CACNA2D3: variants seen among roughly 807,000 people sequenced by gnomAD.
The protein encoded by CACNA2D3 is voltage-dependent calcium channel subunit alpha-2/delta-3.
In CACNA2D3, 60 loss-of-function variants were observed where a neutral mutation model predicts 160.6. The ratio of observed to expected loss-of-function variants is 0.37; its 90% CI spans 0.30 to 0.46. The LOEUF is 0.46. Among genes scored for constraint, CACNA2D3 ranks in the 20% least tolerant of loss-of-function variants. CACNA2D3 has a pLI of 1.00. For missense variants in CACNA2D3, 1,205 were observed against 1,365.0 expected, an observed-to-expected ratio of 0.88 and a Z score of 1.85; for synonymous variants, 558 against 492.9, an observed-to-expected ratio of 1.13 and a Z score of -1.75.
At chr3:54,594,613 G>C (rs1702918609) in intron 9 of CACNA2D3, among the ~76,000 whole-genome samples, 1 of 152,222 alleles carries the variant, frequency 6.6e-6, no homozygotes. Context: ...AAACTTGCCA[G>C]TTAACCAATT....
At chr3:54,422,830 A>G (rs1259528293) in intron 4 of CACNA2D3, among the ~76,000 whole-genome samples, 1 of 152,096 alleles carries the variant, frequency 6.6e-6, no homozygotes, top group East Asian at 1.9e-4. Flanking sequence ...GCCTACAGAA[A>G]CACTAACTAA....
At chr3:54,809,068 A>G (rs1351977217) in intron 13 of CACNA2D3, among the ~76,000 whole-genome samples, 4 of 152,140 alleles carry the variant, frequency 2.6e-5, no homozygotes, top group African/African-American at 4.8e-5. Context: ...TGAGACCTCT[A>G]GAGTTCAGAG....
chr3:54,774,118 A>G (rs914072921), intron 13 of CACNA2D3, among the ~76,000 whole-genome samples: 1 of 152,216 alleles, frequency 6.6e-6, no homozygotes, highest in African/African-American at 2.4e-5. Context: ...GGAATGGTCA[A>G]AAAGGCAATT....
intron 11 of CACNA2D3, among the ~76,000 whole-genome samples, chr3:54,651,122 A>G (rs569871849): frequency 1.3e-5 from 2 of 152,238 alleles, no homozygotes; most frequent in African/African-American, 4.8e-5. Flanking sequence ...AGGTAAAATG[A>G]CCATAGGTCA....
chr3:54,811,014 G>A (rs78524752), intron 13 of CACNA2D3, among the ~76,000 whole-genome samples: 5,647 of 152,194 alleles, frequency 0.037, 158 homozygotes, highest in Non-Finnish European at 0.06. Context: ...GCTCTCCCTG[G>A]TGGGATGTCC....
At chr3:54,725,684 C>T (rs1289286515) in intron 11 of CACNA2D3, among the ~76,000 whole-genome samples, 1 of 152,156 alleles carries the variant, frequency 6.6e-6, no homozygotes. Flanking sequence ...TCAATAGATG[C>T]AGAAAAGGCC....
intron 4 of CACNA2D3, among the ~76,000 whole-genome samples, chr3:54,444,603 A>G (rs532167591): frequency 2.0e-5 from 3 of 152,322 alleles, no homozygotes; most frequent in African/African-American, 7.2e-5. Flanking sequence ...AAAGAAATCA[A>G]GGAGGCCACA....
At chr3:54,697,788 G>A (rs1029761325) in intron 11 of CACNA2D3, among the ~76,000 whole-genome samples, 1 of 152,182 alleles carries the variant, frequency 6.6e-6, no homozygotes, top group Non-Finnish European at 1.5e-5. Flanking sequence ...TAAAGCTACT[G>A]CTGGGAAGAG....
intron 27 of CACNA2D3, chr3:54,918,341 T>TC (rs1220735545): frequency 3.8e-5 from 14 of 368,206 alleles, no homozygotes; most frequent in African/African-American, 9.1e-5. Flanking sequence ...TCTTTTTTTT[T>TC]TTTTTTTTTT....
intron 2 of CACNA2D3, among the ~76,000 whole-genome samples, chr3:54,188,924 A>G (rs903264656): frequency 6.6e-5 from 10 of 152,232 alleles, no homozygotes; most frequent in African/African-American, 2.4e-4. Context: ...CCAGCAACTC[A>G]GGATAATGGA....
chr3:54,851,431 C>T (rs1008888081), intron 17 of CACNA2D3, among the ~76,000 whole-genome samples: 2 of 152,108 alleles, frequency 1.3e-5, no homozygotes, highest in Non-Finnish European at 2.9e-5. Flanking sequence ...CCTAAGGTGA[C>T]GTCTCCCAGA....
At chr3:54,544,429 G>A (rs1351825898) in intron 5 of CACNA2D3, among the ~76,000 whole-genome samples, 1 of 151,286 alleles carries the variant, frequency 6.6e-6, no homozygotes, top group Admixed American at 6.6e-5. Context: ...AAAGATACAG[G>A]GTCATATTCT....
In CACNA2D3 at chr3:54,218,025, GAGGTGTGTTAGAGAA is replaced by G. The variant is rs915872604; in HGVS notation, c.204+94446_204+94460del. On this transcript the variant is annotated intron_variant, in intron 2 of 37. Transcript: ENST00000474759. ...TAGAGGTGTATTCGGGAGAGAGAGA[GAGGTGTGTTAGAGAA>G]AGGTGTGTTAGAGAGAGAGGTGCAT... Among the ~76,000 whole-genome samples, 5 of 151,944 alleles carry G rather than the reference GAGGTGTGTTAGAGAA, an allele frequency of 3.3e-5. No individual in the cohort carries two copies. The East Asian group carries it at 5.8e-4, about 18-fold the overall frequency.
Position 54,520,794 on chromosome 3 carries a change from C to T in CACNA2D3, c.544+17140C>T, listed in dbSNP as rs370995966. Among the ~76,000 whole-genome samples the T allele has an allele frequency of 3.9e-5, 6 of 152,306 alleles. No homozygotes were observed. In the East Asian group the frequency reaches 1.2e-3, roughly 29 times the overall value. ...TCCCAACATTCACCCCACCCCTAAGCAACGAATGATCTTTCTGTCCCTATA... is the reference window on the plus strand; with the variant it reads ...TCCCAACATTCACCCCACCCCTAAGTAACGAATGATCTTTCTGTCCCTATA... On this transcript the variant is annotated intron_variant, in intron 5 of 37. Transcript: ENST00000474759.
At chr3:54,123,161 G>GT (rs1491483818) in intron 1 of CACNA2D3, among the ~76,000 whole-genome samples, 1 of 49,830 alleles carries the variant, frequency 2.0e-5, no homozygotes, top group Admixed American at 2.0e-4. Flanking sequence ...TTCTTTTTTT[G>GT]GGGGGGGGAT....
intron 9 of CACNA2D3, among the ~76,000 whole-genome samples, chr3:54,602,670 A>G (rs1299508009): frequency 6.6e-6 from 1 of 152,134 alleles, no homozygotes; most frequent in African/African-American, 2.4e-5. Flanking sequence ...GACGATAAAT[A>G]TGTTCTCTTT....
At chr3:54,863,602 G>C (rs897865491) in intron 17 of CACNA2D3, among the ~76,000 whole-genome samples, 2 of 152,040 alleles carry the variant, frequency 1.3e-5, no homozygotes, top group African/African-American at 4.8e-5. Context: ...AACGGTGGTG[G>C]GCTAAGCCGC....
chr3:54,898,201 C>G (rs557730516), intron 26 of CACNA2D3, among the ~76,000 whole-genome samples: 1 of 130,014 alleles, frequency 7.7e-6, no homozygotes, highest in Non-Finnish European at 1.6e-5. Flanking sequence ...CTTTTCCTCT[C>G]TCTCTCTCTT....
At chr3:54,981,441 C>T (rs1702505604) in intron 29 of CACNA2D3, among the ~76,000 whole-genome samples, 1 of 151,916 alleles carries the variant, frequency 6.6e-6, no homozygotes, top group Non-Finnish European at 1.5e-5. Context: ...AAATCCTTTA[C>T]AGAGAATTTT....
Sources: gnomAD v4.1 joint callset for allele counts (sites outside exome capture counted in the v4.1 genomes callset) on GRCh38, gnomAD v4.1.1 for gene constraint, MANE v1.5 for transcripts, NCBI Gene and HGNC (gene_info 2026-07-23, HGNC 2026-07-21) for gene names.